Variants in STXBP5L observed in about 807,000 individuals in gnomAD.
The protein encoded by STXBP5L is syntaxin-binding protein 5-like.
Under a neutral mutation model 144.5 loss-of-function variants are expected in STXBP5L, and 65 were observed. The observed-to-expected ratio is 0.45, with a 90% CI of 0.37 to 0.55. The LOEUF (loss-of-function observed/expected upper bound fraction) is 0.55, where lower values mean the gene tolerates loss of function less well. STXBP5L is among the 20% of genes least tolerant of loss of function. STXBP5L has a pLI of 0.00. For missense variants in STXBP5L, 1,298 were observed against 1,405.5 expected (o/e 0.92, Z 1.22); for synonymous variants, 505 against 469.6 (o/e 1.08, Z -0.97).
intron 2 of STXBP5L, among the ~76,000 whole-genome samples, chr3:120,952,338 C>T (rs1488183124): frequency 6.6e-6 from 1 of 152,006 alleles, no homozygotes; most frequent in Non-Finnish European, 1.5e-5. Context: ...TTTAGATCTT[C>T]AAGTTTTAAA....
rs1273678065 is a variant in STXBP5L at position 121,413,077 on chromosome 3, G to A, written c.2949-81G>A. ...AAAAAGAAACAACCATAAAATAATA[G>A]AATAAAAATTACTGTTTTTATGTAA... On this transcript the variant is annotated intron_variant, in intron 23 of 26. Coordinates refer to ENST00000471454, the MANE Select transcript of STXBP5L (RefSeq NM_001308330.2). 5 of 1,064,074 alleles carry A rather than the reference G, an allele frequency of 4.7e-6. No homozygotes were observed. In the African/African-American group the frequency reaches 5.0e-5, roughly 11 times the overall value. 65.9% of individuals were successfully genotyped at this position (1,064,074 alleles called of 1,614,324 possible).
chr3:121,421,796 A>C lies in STXBP5L; in HGVS notation c.*2699A>C, dbSNP rs906463534. ...GCTTAAAACCTTGGCCTCAGTGAAT[A>C]GATCAAAAGTTTATAATTAGCACAC... On this transcript the variant is annotated 3_prime_UTR_variant, in exon 27 of 27. Transcript: ENST00000471454. 6.6e-6 allele frequency: 1 copy of C among 152,198 alleles called. No homozygotes were observed. The highest frequency in any genetic ancestry group is 2.4e-5 in the African/African-American group (1 of 41,450). 9.4% of individuals were successfully genotyped at this position (152,198 alleles called of 1,614,324 possible). A position where few individuals can be genotyped will look rare whatever the true frequency, so the allele number is the denominator to read the frequency against.
intron 20 of STXBP5L, among the ~76,000 whole-genome samples, chr3:121,367,422 AT>A (rs1240455823): frequency 2.6e-5 from 4 of 151,424 alleles, no homozygotes; most frequent in East Asian, 3.9e-4. Context: ...CTTGGTTGAA[AT>A]TTTTTTTCCT....
intron 9 of STXBP5L, among the ~76,000 whole-genome samples, chr3:121,176,780 A>G (rs2046954767): frequency 6.6e-6 from 1 of 152,046 alleles, no homozygotes; most frequent in Non-Finnish European, 1.5e-5. Flanking sequence ...AACAACCAAT[A>G]AAACAAACAT....
At position 121,381,296 on chromosome 3, in the gene STXBP5L, A is replaced by G; in HGVS notation, c.2351A>G (p.Asn784Ser). Reference sequence around the variant, plus strand: ...TTTTTTTTATTTATTTCCATAGAAAACCGAGAAAATTCCTATAATCGTTCT... The same window carrying G: ...TTTTTTTTATTTATTTCCATAGAAAGCCGAGAAAATTCCTATAATCGTTCT... ...EISLPVTTEE[N>S]RENSYNRSRS... is the part of the protein sequence containing the mutation. The change falls in exon 22 of 27, where the codon AAC becomes AGC. Residue 784 changes from asparagine to serine, a missense_variant. Coordinates refer to ENST00000471454, the MANE Select transcript of STXBP5L (RefSeq NM_001308330.2). 6.3e-7 allele frequency: 1 copy of G among 1,581,244 alleles called. No individual in the cohort carries two copies. The highest frequency in any genetic ancestry group is 1.2e-5 in the South Asian group (1 of 84,276).
At chr3:120,921,416 T>G (rs1709353803) in intron 2 of STXBP5L, among the ~76,000 whole-genome samples, 1 of 152,048 alleles carries the variant, frequency 6.6e-6, no homozygotes, top group African/African-American at 2.4e-5. Flanking sequence ...TTTTCTCCCA[T>G]TCTGTGGGTT....
At chr3:121,332,353 A>T (rs1283694643) in intron 20 of STXBP5L, among the ~76,000 whole-genome samples, 1 of 151,216 alleles carries the variant, frequency 6.6e-6, no homozygotes, top group African/African-American at 2.4e-5. Context: ...AAAAAAATTT[A>T]AAAATAACAA....
chr3:121,348,508 A>C (rs2045109315), intron 20 of STXBP5L, among the ~76,000 whole-genome samples: 1 of 152,008 alleles, frequency 6.6e-6, no homozygotes, highest in East Asian at 1.9e-4. Flanking sequence ...TTTTCTATTT[A>C]TTGGAATAGT....
At chr3:121,375,389 C>T (rs1457226832) in intron 20 of STXBP5L, among the ~76,000 whole-genome samples, 1 of 152,074 alleles carries the variant, frequency 6.6e-6, no homozygotes, top group African/African-American at 2.4e-5. Context: ...TTCAAAATTT[C>T]CACTCCTTCT....
At chr3:121,418,978 T>C in intron 26 of STXBP5L, 78 bp from the exon 27 acceptor site, 4 of 1,440,420 alleles carry the variant, frequency 2.8e-6, no homozygotes, top group Non-Finnish European at 3.8e-6. Context: ...ATTTGCATGA[T>C]TAGCTCAAAA....
At chr3:121,183,067 G>A (rs568953314) in intron 9 of STXBP5L, among the ~76,000 whole-genome samples, 1 of 152,152 alleles carries the variant, frequency 6.6e-6, no homozygotes, top group South Asian at 2.1e-4. Context: ...AATTGGTGGG[G>A]AAAAAGTACT....
rs113262890 is a variant in STXBP5L, at chr3:121,129,530, A to G, written c.669+7826A>G. 9.3e-3 allele frequency among the ~76,000 whole-genome samples: 1,412 copies of G among 152,182 alleles called. 10 individuals are homozygous for G. Among genetic ancestry groups the G allele is most frequent in the Non-Finnish European group, 0.014 (947 of 67,966 alleles). On this transcript the variant is annotated intron_variant, in intron 7 of 26. Coordinates refer to ENST00000471454, the MANE Select transcript of STXBP5L (RefSeq NM_001308330.2). ...GCCTAGCTTTTATGTGTATAGATCA[A>G]CACAACCTATGGTACCTAAGATACA... is the stretch of plus-strand genomic sequence containing the variant.
intron 20 of STXBP5L, among the ~76,000 whole-genome samples, chr3:121,372,628 G>A (rs1333401026): frequency 6.6e-6 from 1 of 152,042 alleles, no homozygotes; most frequent in Admixed American, 6.5e-5. Context: ...CCCAATGCAG[G>A]TTTCCCAGCT....
intron 5 of STXBP5L, among the ~76,000 whole-genome samples, chr3:121,073,141 G>A (rs1051011453): frequency 9.2e-5 from 14 of 152,300 alleles, no homozygotes; most frequent in Admixed American, 6.5e-4. Context: ...GGGCTAGTCC[G>A]TTAAGTTTTT....
chr3:121,209,097 C>A (rs1278489376), intron 10 of STXBP5L, among the ~76,000 whole-genome samples: 3 of 152,112 alleles, frequency 2.0e-5, no homozygotes, highest in African/African-American at 7.2e-5. Context: ...AGGACATGAA[C>A]TTGTCTTTTT....
chr3:121,103,213 A>G (rs1323255435), intron 5 of STXBP5L, among the ~76,000 whole-genome samples: 2 of 148,182 alleles, frequency 1.3e-5, no homozygotes. Context: ...CCATAGAAAA[A>G]TAAATTGTTC....
At chr3:121,148,735 T>A (rs1328424404) in intron 7 of STXBP5L, among the ~76,000 whole-genome samples, 1 of 152,106 alleles carries the variant, frequency 6.6e-6, no homozygotes, top group African/African-American at 2.4e-5. Context: ...TCTATTAAAG[T>A]TAAACATACT....
intron 3 of STXBP5L, among the ~76,000 whole-genome samples, chr3:121,032,562 T>C (rs1293368591): frequency 1.4e-5 from 2 of 148,092 alleles, no homozygotes; most frequent in African/African-American, 5.0e-5. Flanking sequence ...AAAGCCAAAA[T>C]TGACAAATGG....
intron 20 of STXBP5L, among the ~76,000 whole-genome samples, chr3:121,349,883 G>A (rs2045196065): frequency 6.6e-6 from 1 of 152,058 alleles, no homozygotes; most frequent in Non-Finnish European, 1.5e-5. Flanking sequence ...CCTGAATACA[G>A]CACACTGATG....
Sources: gnomAD v4.1 joint callset for allele counts (sites outside exome capture counted in the v4.1 genomes callset) on GRCh38, gnomAD v4.1.1 for gene constraint, MANE v1.5 for transcripts, NCBI Gene and HGNC (gene_info 2026-07-23, HGNC 2026-07-21) for gene names.